DGKB: variants seen among roughly 807,000 people sequenced by gnomAD.
DGKB encodes 90 kDa diacylglycerol kinase.
Under a neutral mutation model 114.3 loss-of-function variants are expected in DGKB, and 67 were observed. That is an observed-to-expected ratio of 0.59 (90% CI 0.48 to 0.72). DGKB has a LOEUF of 0.72. Ranked by LOEUF, DGKB falls within the 30% of genes least tolerant of loss-of-function variation. The pLI, the probability that DGKB is intolerant of heterozygous loss-of-function variation, is 0.00. For missense variants in DGKB, 907 were observed against 975.2 expected (o/e 0.93, Z 0.93); for synonymous variants, 398 against 323.1 (o/e 1.23, Z -2.49).
chr7:14,361,087 C>A (rs1436603786), intron 21 of DGKB, among the ~76,000 whole-genome samples: 2 of 152,028 alleles, frequency 1.3e-5, no homozygotes, highest in Non-Finnish European at 2.9e-5. Context: ...AAAAATACTT[C>A]TAATAAAACT....
chr7:14,529,287 G>A (rs947983023), intron 20 of DGKB, among the ~76,000 whole-genome samples: 1 of 151,934 alleles, frequency 6.6e-6, no homozygotes, highest in African/African-American at 2.4e-5. Flanking sequence ...TGGGCAAGAA[G>A]AGAAGGGTTT....
At chr7:14,367,144 A>G (rs978484537) in intron 21 of DGKB, among the ~76,000 whole-genome samples, 1 of 152,102 alleles carries the variant, frequency 6.6e-6, no homozygotes, top group Non-Finnish European at 1.5e-5. Context: ...GAGGGTAAAC[A>G]AATGATAGTC....
At chr7:14,708,637 A>G (rs879818088) in intron 6 of DGKB, among the ~76,000 whole-genome samples, 15 of 151,762 alleles carry the variant, frequency 9.9e-5, no homozygotes, top group Non-Finnish European at 1.6e-4. Flanking sequence ...ATGGAACAGA[A>G]CAGAGCCCTC....
In DGKB at chr7:14,871,475, C is replaced by T. The variant is rs561391627; in HGVS notation, c.-187-30025G>A. Among the ~76,000 whole-genome samples, 9 of 152,172 alleles carry T rather than the reference C, an allele frequency of 5.9e-5. No homozygotes were observed. The South Asian group carries it at 1.9e-3, about 32-fold the overall frequency. On this transcript the variant is annotated intron_variant, in intron 1 of 25. Transcript: ENST00000402815. ...TTGTCTTTAGTTACCATGATCCACC[C>T]TACTCCAATTTACTATCCACAGAGT...
chr7:14,356,826 A>T (rs187500871), intron 21 of DGKB, among the ~76,000 whole-genome samples: 1,712 of 152,210 alleles, frequency 0.011, 33 homozygotes, highest in African/African-American at 0.035. Context: ...TTCAAAGAAC[A>T]TCTTTATTTC....
chr7:14,407,210 T>C (rs988384459), intron 21 of DGKB, among the ~76,000 whole-genome samples: 4 of 152,130 alleles, frequency 2.6e-5, no homozygotes, highest in African/African-American at 9.7e-5. Context: ...GGAACTGCCA[T>C]GTTAGGGAGT....
intron 21 of DGKB, among the ~76,000 whole-genome samples, chr7:14,349,234 T>C (rs1813020182): frequency 6.6e-6 from 1 of 152,090 alleles, no homozygotes; most frequent in East Asian, 1.9e-4. Context: ...TGATATTTGA[T>C]TTTACTGATT....
intron 25 of DGKB, among the ~76,000 whole-genome samples, chr7:14,162,426 T>TAC (rs1784044740): frequency 6.6e-6 from 1 of 152,340 alleles, no homozygotes; most frequent in South Asian, 2.1e-4. Context: ...TTTTATCATT[T>TAC]TTATCATATT....
chr7:14,752,493 G>A (rs1292026138), intron 4 of DGKB, among the ~76,000 whole-genome samples: 4 of 152,106 alleles, frequency 2.6e-5, no homozygotes, highest in Admixed American at 1.3e-4. Flanking sequence ...AAACATGTAC[G>A]GAGGAAATCC....
intron 13 of DGKB, among the ~76,000 whole-genome samples, chr7:14,643,946 T>A (rs62445639): frequency 1.8e-4 from 27 of 151,948 alleles, no homozygotes; most frequent in African/African-American, 6.0e-4. Flanking sequence ...GCCAGAGGAG[T>A]GGACCAACCA....
intron 17 of DGKB, among the ~76,000 whole-genome samples, chr7:14,587,399 G>C (rs1800954339): frequency 6.6e-6 from 1 of 152,120 alleles, no homozygotes. Context: ...AGCAAAAAAA[G>C]AGGGTTTCTT....
chr7:14,917,326 T>A (rs1021171393), intron 1 of DGKB, among the ~76,000 whole-genome samples: 2 of 151,622 alleles, frequency 1.3e-5, no homozygotes, highest in African/African-American at 4.8e-5. Context: ...AGCAAAAAAA[T>A]CAATGAAAGC....
chr7:14,626,663 G>A (rs1808649695), intron 14 of DGKB, among the ~76,000 whole-genome samples: 1 of 152,096 alleles, frequency 6.6e-6, no homozygotes, highest in African/African-American at 2.4e-5. Context: ...AATGGTTGAA[G>A]GAAACAAATT....
intron 21 of DGKB, among the ~76,000 whole-genome samples, chr7:14,395,639 A>C (rs2128717035): frequency 6.6e-6 from 1 of 151,970 alleles, no homozygotes; most frequent in East Asian, 1.9e-4. Flanking sequence ...ATATATTACT[A>C]TATGTAAAAA....
chr7:14,933,516 C>T (rs1170905353), intron 1 of DGKB, among the ~76,000 whole-genome samples: 1 of 152,136 alleles, frequency 6.6e-6, no homozygotes, highest in Non-Finnish European at 1.5e-5. Context: ...CTCTCTTCTG[C>T]CTCTTTCTTC....
intron 23 of DGKB, among the ~76,000 whole-genome samples, chr7:14,278,187 T>A (rs537167290): frequency 5.8e-4 from 87 of 150,978 alleles, no homozygotes; most frequent in African/African-American, 2.1e-3. Flanking sequence ...AATAACCACA[T>A]CAATCTTGAG....
chr7:14,528,189 C>A (rs1790952729), intron 20 of DGKB, among the ~76,000 whole-genome samples: 1 of 152,108 alleles, frequency 6.6e-6, no homozygotes, highest in Admixed American at 6.6e-5. Context: ...CCAGTCACCA[C>A]AACCTCCATC....
intron 25 of DGKB, among the ~76,000 whole-genome samples, chr7:14,169,736 G>C (rs536027450): frequency 6.6e-6 from 1 of 152,270 alleles, no homozygotes; most frequent in South Asian, 2.1e-4. Flanking sequence ...TTTGGCTGCA[G>C]TGGGAAGCAA....
intron 2 of DGKB, among the ~76,000 whole-genome samples, chr7:14,782,305 T>G (rs541882886): frequency 1.3e-5 from 2 of 152,254 alleles, no homozygotes; most frequent in Non-Finnish European, 2.9e-5. Flanking sequence ...GGATTACAGG[T>G]GTGAGCCACT....
Sources: allele counts gnomAD v4.1 joint callset (sites outside exome capture counted in the v4.1 genomes callset), GRCh38; gene constraint gnomAD v4.1.1; transcripts MANE v1.5; gene names NCBI Gene and HGNC (gene_info 2026-07-23, HGNC 2026-07-21).